ANGPT4: variants seen among roughly 807,000 people sequenced by gnomAD.
ANGPT4 encodes the protein angiopoietin-4.
A neutral mutation model predicts 53.0 loss-of-function variants in ANGPT4; 50 were observed. That is an observed-to-expected ratio of 0.94 (90% confidence interval 0.75 to 1.20). The LOEUF (loss-of-function observed/expected upper bound fraction) is 1.20, where lower values mean the gene tolerates loss of function less well. Among genes scored for constraint, ANGPT4 ranks in the 50% most tolerant of loss-of-function variants. The pLI is 0.00. For synonymous variants in ANGPT4, 251 were observed against 259.7 expected (o/e 0.97, Z 0.32); for missense variants, 648 against 637.1 (o/e 1.02, Z -0.18).
At position 879,792 on chromosome 20, in the gene ANGPT4, C is replaced by T; in HGVS notation, c.1008G>A (p.Glu336=). The change falls in exon 6 of 9, where the codon GAG becomes GAA. Residue 336 remains glutamate, a synonymous_variant. Coordinates refer to ENST00000381922, the MANE Select transcript of ANGPT4 (RefSeq NM_015985.4). ...GGRWTLIQRR[E]NGTVNFQRNW... ...TCCGCTGAAAATTCACGGTGCCATT[C>T]TCACGGCGCTGGATGAGGGTCCACC... 6.2e-7 allele frequency: 1 copy of T among 1,613,824 alleles called. No homozygotes were observed. The highest frequency in any genetic ancestry group is 8.5e-7 in the Non-Finnish European group (1 of 1,179,860).
intron 1 of ANGPT4, among the ~76,000 whole-genome samples, chr20:896,668 T>C (rs979096918): frequency 2.0e-5 from 3 of 152,190 alleles, no homozygotes; most frequent in African/African-American, 7.2e-5. Flanking sequence ...TTTGTATGGA[T>C]GAAGCTGTGT....
intron 1 of ANGPT4, among the ~76,000 whole-genome samples, chr20:915,036 C>T (rs1600069518): frequency 6.6e-6 from 1 of 152,190 alleles, no homozygotes; most frequent in Admixed American, 6.5e-5. Flanking sequence ...CCCTCCTAGC[C>T]CCGTTCTGCT....
chr20:909,521 C>G (rs1600065619), intron 1 of ANGPT4, among the ~76,000 whole-genome samples: 1 of 152,332 alleles, frequency 6.6e-6, no homozygotes, highest in South Asian at 2.1e-4. Flanking sequence ...GATGGTACGA[C>G]AGGATTCCTT....
At chr20:909,625 A>G (rs573259874) in intron 1 of ANGPT4, among the ~76,000 whole-genome samples, 17 of 152,280 alleles carry the variant, frequency 1.1e-4, no homozygotes, top group African/African-American at 3.1e-4. Flanking sequence ...TGCCTCATTT[A>G]ATCTCCTCAA....
rs754407631 is a variant in ANGPT4 at position 874,305 on chromosome 20, A to G, written c.1330T>C (p.Cys444Arg). ...CTACCTCCAGACATCACTTGGGCAC[A>G]CTTGCAGAGACAGTGGTCGTTGTCT... is the stretch of plus-strand genomic sequence containing the variant. ...DSDNDHCLCKCAQVMSGGWWF... is the reference protein window; with the variant it reads ...DSDNDHCLCKRAQVMSGGWWF... Residue 444 changes from cysteine (C) to arginine (R), a missense_variant, in exon 8 of 9, where the codon TGT becomes CGT. Coordinates refer to ENST00000381922, the MANE Select transcript of ANGPT4 (RefSeq NM_015985.4). 4 of 1,614,080 alleles carry G rather than the reference A, an allele frequency of 2.5e-6. No homozygotes were observed. The African/African-American group carries it at 5.3e-5, about 22-fold the overall frequency.
chr20:901,692 C>T lies in ANGPT4; in HGVS notation c.310-11324G>A, dbSNP rs961610482. 7.9e-5 allele frequency among the ~76,000 whole-genome samples: 12 copies of T among 152,164 alleles called. No homozygotes were observed. The South Asian group carries it at 8.3e-4, about 11-fold the overall frequency. On this transcript the variant is annotated intron_variant, in intron 1 of 8. Coordinates refer to ENST00000381922, the MANE Select transcript of ANGPT4 (RefSeq NM_015985.4). ...CTTTGGGAGGCCAAGGTGGGTGGAT[C>T]GCTTAAGCTCAGGATTTGGAGACCA...
At chr20:878,035 G>A in intron 7 of ANGPT4, 126 bp downstream of exon 7, 1 of 1,076,850 alleles carries the variant, frequency 9.3e-7, no homozygotes, top group Non-Finnish European at 1.3e-6. Context: ...GGGGACAGAT[G>A]GTAGGAACAG....
At chr20:884,982 C>T in intron 4 of ANGPT4, 96 bp downstream of exon 4, 1 of 1,534,808 alleles carries the variant, frequency 6.5e-7, no homozygotes, top group South Asian at 1.2e-5. Flanking sequence ...CCCGCAATGG[C>T]TCCCAGGCGC....
intron 2 of ANGPT4, 134 bp from the exon 3 acceptor site, chr20:888,573 G>A (rs534116642): frequency 1.4e-6 from 2 of 1,399,218 alleles, no homozygotes; most frequent in East Asian, 5.0e-5. Flanking sequence ...AGTTCCTGTG[G>A]TTACTCACTC....
In ANGPT4 at chr20:914,561, G is replaced by C. The variant is rs569911339; in HGVS notation, c.309+1345C>G. Among the ~76,000 whole-genome samples, 9 of 152,168 alleles carry C rather than the reference G, an allele frequency of 5.9e-5. No individual in the cohort carries two copies. The highest frequency in any genetic ancestry group is 3.3e-4 in the Admixed American group (5 of 15,302). On this transcript the variant is annotated intron_variant, in intron 1 of 8. Transcript: ENST00000381922. The surrounding 1 kb of genome is among the most constrained non-coding windows in gnomAD (Gnocchi z 5.0). ...GGGCCGAGTGTTAGCAGGGAGCCAG[G>C]GGGGCAGCCAGGACAGCTATCCTGC...
intron 3 of ANGPT4, among the ~76,000 whole-genome samples, chr20:886,945 CTT>C (rs1473299586): frequency 2.0e-5 from 3 of 152,194 alleles, no homozygotes; most frequent in Non-Finnish European, 4.4e-5. Context: ...GCTTTTGTCT[CTT>C]TGTTCACTTC....
chr20:899,642 C>A (rs1447445397), intron 1 of ANGPT4, among the ~76,000 whole-genome samples: 1 of 152,170 alleles, frequency 6.6e-6, no homozygotes, highest in Non-Finnish European at 1.5e-5. Context: ...CCGGACAAGT[C>A]TTACAGGCTG....
intron 1 of ANGPT4, among the ~76,000 whole-genome samples, chr20:907,089 C>G (rs1982502775): frequency 6.6e-6 from 1 of 152,302 alleles, no homozygotes; most frequent in East Asian, 1.9e-4. Flanking sequence ...TCATTGTTTC[C>G]TCCTTGCAGA....
chr20:873,376 C>T (rs193029636), intron 8 of ANGPT4, among the ~76,000 whole-genome samples: 141 of 152,048 alleles, frequency 9.3e-4, no homozygotes, highest in Admixed American at 1.4e-3. Flanking sequence ...CGGCCTTCTC[C>T]CTGAGCCCTT....
rs760252535 is a variant in ANGPT4 at position 885,123 on chromosome 20, A to C, written c.790T>G (p.Leu264Val). The C allele has an allele frequency of 6.3e-5, 101 of 1,613,274 alleles. No homozygotes were observed. Among genetic ancestry groups the C allele is most frequent in the Non-Finnish European group, 7.2e-5 (85 of 1,179,816 alleles). ...CTTTCTTGCACCAGGTGCCGCAACA[A>C]CACCAGCAGCTGGCGCAGGCTGTGC... Reference protein sequence around the residue: ...QQHSLRQLLVLLRHLVQERAN... With the variant: ...QQHSLRQLLVVLRHLVQERAN... Residue 264 changes from leucine (L) to valine (V), a missense_variant, in exon 4 of 9, where the codon TTG becomes GTG. Transcript: ENST00000381922.
At chr20:910,199 G>GT (rs1368022829) in intron 1 of ANGPT4, among the ~76,000 whole-genome samples, 4 of 152,132 alleles carry the variant, frequency 2.6e-5, no homozygotes, top group Non-Finnish European at 5.9e-5. Flanking sequence ...TGGTGCCTCA[G>GT]TTTCCTCATC....
intron 1 of ANGPT4, among the ~76,000 whole-genome samples, chr20:905,656 C>T (rs1277576254): frequency 6.6e-6 from 1 of 152,144 alleles, no homozygotes. Flanking sequence ...GGGGTATCTG[C>T]AGGAGGAATG....
In ANGPT4 at chr20:908,785, G is replaced by T. The variant is rs1470182107; in HGVS notation, c.309+7121C>A. ...CACATTTGTGTTTGTGTGTGGTGGG[G>T]GGCAGGAGTCGGGGGTTGCACATCT... On this transcript the variant is annotated intron_variant, in intron 1 of 8. Transcript: ENST00000381922. This position sits in a 1 kb window ranked among gnomAD's most constrained non-coding sequence, Gnocchi z 4.9. 7.4e-6 allele frequency among the ~76,000 whole-genome samples: 1 copy of T among 135,530 alleles called. No individual in the cohort carries two copies. Among genetic ancestry groups the T allele is most frequent in the South Asian group, 2.7e-4 (1 of 3,770 alleles). The allele number at this position is 135,530 out of a possible 152,430, so 88.9% of individuals were successfully genotyped here. A position where few individuals can be genotyped will look rare whatever the true frequency, so the allele number is the denominator to read the frequency against.
chr20:885,071 C>T lies in ANGPT4; in HGVS notation c.835+7G>A. On this transcript the variant is annotated splice_region_variant and intron_variant, in intron 4 of 8. Coordinates refer to ENST00000381922, the MANE Select transcript of ANGPT4 (RefSeq NM_015985.4). Reference sequence around the variant, plus strand: ...TAGCCACACTGGGGCGCACACCGCTCACTCACCCGGGGCCGAGGCGTTAGC... The same window carrying T: ...TAGCCACACTGGGGCGCACACCGCTTACTCACCCGGGGCCGAGGCGTTAGC... 1.2e-6 allele frequency: 2 copies of T among 1,613,510 alleles called. No homozygotes were observed. Among genetic ancestry groups the T allele is most frequent in the South Asian group, 1.1e-5 (1 of 90,888 alleles).
Sources: gnomAD v4.1 joint callset for allele counts (sites outside exome capture counted in the v4.1 genomes callset) on GRCh38, gnomAD v4.1.1 for gene constraint, Gnocchi (gnomAD v3.1) non-coding constraint, MANE v1.5 for transcripts, NCBI Gene and HGNC (gene_info 2026-07-23, HGNC 2026-07-21) for gene names.